PRAG1: variants seen among roughly 807,000 people sequenced by gnomAD.
PRAG1 encodes the protein inactive tyrosine-protein kinase PRAG1.
Under a neutral mutation model 95.6 loss-of-function variants are expected in PRAG1, and 110 were observed. The ratio of observed to expected loss-of-function variants is 1.15; its 90% confidence interval spans 0.99 to 1.35. PRAG1 has a LOEUF of 1.35. PRAG1 is among the 40% of genes most tolerant of loss of function. The pLI, the probability that PRAG1 is intolerant of heterozygous loss-of-function variation, is 0.00. For missense variants in PRAG1, 2,554 were observed against 1,864.7 expected (o/e 1.37, Z -6.81); for synonymous variants, 1,052 against 819.4 (o/e 1.28, Z -4.85).
chr8:8,366,035 T>C (rs1799992152), intron 3 of PRAG1, among the ~76,000 whole-genome samples: 1 of 152,014 alleles, frequency 6.6e-6, no homozygotes, highest in Admixed American at 6.6e-5. Context: ...CATTGCTTAA[T>C]AAGATTTAAG....
chr8:8,342,968 A>C (rs879870718), intron 3 of PRAG1, among the ~76,000 whole-genome samples: 42 of 152,188 alleles, frequency 2.8e-4, no homozygotes, highest in Non-Finnish European at 2.9e-5. Context: ...GTGAAAAAAA[A>C]CAAACCTTGG....
intron 5 of PRAG1, among the ~76,000 whole-genome samples, chr8:8,323,165 A>G (rs1241192529): frequency 6.6e-6 from 1 of 152,136 alleles, no homozygotes; most frequent in Non-Finnish European, 1.5e-5. Flanking sequence ...AAACATGCAC[A>G]TTGGGTGATA....
intron 2 of PRAG1, among the ~76,000 whole-genome samples, chr8:8,379,964 G>A (rs577693377): frequency 6.6e-6 from 1 of 152,324 alleles, no homozygotes; most frequent in South Asian, 2.1e-4. Context: ...TGTGGGGCCA[G>A]GCATGGTGGC....
In PRAG1 at chr8:8,377,969, G is replaced by A. The variant is rs756034615; in HGVS notation, c.440C>T (p.Thr147Ile). The change falls in exon 3 of 6, where the codon ACC (threonine) becomes ATC (isoleucine). Residue 147 changes from threonine to isoleucine, a missense_variant. Physicochemically the swap from Thr to Ile is moderately conservative, Grantham distance 89. Transcript: ENST00000615670. ...RGVQKPAGPSTSPDGNSRCPP... is the reference protein window; with the variant it reads ...RGVQKPAGPSISPDGNSRCPP... Reference sequence around the variant, plus strand: ...ACAGCGAGAATTGCCATCAGGGGAGGTAGAGGGACCAGCAGGCTTCTGTAC... The same window carrying A: ...ACAGCGAGAATTGCCATCAGGGGAGATAGAGGGACCAGCAGGCTTCTGTAC... 3 of 1,613,676 alleles carry A rather than the reference G, an allele frequency of 1.9e-6. No homozygotes were observed. The South Asian group carries it at 3.3e-5, about 18-fold the overall frequency.
rs761847235 is a variant in PRAG1 at position 8,376,459 on chromosome 8, C to G, written c.1950G>C (p.Leu650=). The change falls in exon 3 of 6, where the codon CTG becomes CTC. Residue 650 remains leucine, a synonymous_variant. Transcript: ENST00000615670. ...EEEEEVEQEL[L]SHSWGRETKN... ...TGGTCTCTCTTCCCCAGCTGTGACTCAGCAATTCCTGCTCCACCTCCTCTT... is the reference window on the plus strand; with the variant it reads ...TGGTCTCTCTTCCCCAGCTGTGACTGAGCAATTCCTGCTCCACCTCCTCTT... The G allele has an allele frequency of 1.1e-4, 173 of 1,613,982 alleles. No homozygotes were observed. Among genetic ancestry groups the G allele is most frequent in the Non-Finnish European group, 1.2e-4 (138 of 1,180,010 alleles).
rs1361759009 is a variant in PRAG1, at chr8:8,318,996, G to A, written c.3379C>T (p.Leu1127=). The A allele has an allele frequency of 1.2e-6, 2 of 1,613,476 alleles. No homozygotes were observed. The highest frequency in any genetic ancestry group is 1.3e-5 in the African/African-American group (1 of 75,040). The change falls in exon 6 of 6, where the codon CTG becomes TTG. Residue 1127 remains leucine, a synonymous_variant. Transcript: ENST00000615670. This position sits in a 1 kb window ranked among gnomAD's most constrained non-coding sequence, Gnocchi z 4.2. ...AYERRVCFLL[L]QLCNGLEHLK... ...TGCTCCAGCCCGTTGCAGAGTTGCA[G>A]AAGCAGGAAGCACACGCGCCGCTCG...
At chr8:8,319,397 C>A in intron 5 of PRAG1, 95 bp from the exon 6 acceptor site, 2 of 1,057,498 alleles carry the variant, frequency 1.9e-6, no homozygotes, top group African/African-American at 3.2e-5. Flanking sequence ...TGCAATAAGC[C>A]TATCCACATA....
At chr8:8,334,726 C>A (rs115841110) in intron 4 of PRAG1, among the ~76,000 whole-genome samples, 1,784 of 150,622 alleles carry the variant, frequency 0.012, 35 homozygotes, top group African/African-American at 0.041. Flanking sequence ...ATCTTTCAAT[C>A]TCCTGTTATA....
Position 8,377,770 on chromosome 8 carries a change from G to A in PRAG1, c.639C>T (p.Ala213=), listed in dbSNP as rs1297215394. 1 of 1,614,156 alleles carries A rather than the reference G, an allele frequency of 6.2e-7. No individual in the cohort carries two copies. The highest frequency in any genetic ancestry group is 1.1e-5 in the South Asian group (1 of 91,086). The part of the protein sequence containing the change: ...TQESFRQKLA[A]FAGTTSGCHQ... ...GACAGCCAGATGTGGTCCCAGCAAAGGCAGCCAGTTTCTGGCGGAAGCTCT... is the reference window on the plus strand; with the variant it reads ...GACAGCCAGATGTGGTCCCAGCAAAAGCAGCCAGTTTCTGGCGGAAGCTCT... The change falls in exon 3 of 6, where the codon GCC becomes GCT. Residue 213 remains alanine, a synonymous_variant. Transcript: ENST00000615670.
In PRAG1 at chr8:8,365,620, A is replaced by T. The variant is rs142758996; in HGVS notation, c.2162+10627T>A. Among the ~76,000 whole-genome samples, 3 of 151,518 alleles carry T rather than the reference A, an allele frequency of 2.0e-5. No individual in the cohort carries two copies. The East Asian group carries it at 5.9e-4, about 30-fold the overall frequency. On this transcript the variant is annotated intron_variant, in intron 3 of 5. Coordinates refer to ENST00000615670, the MANE Select transcript of PRAG1 (RefSeq NM_001080826.3). ...GCCTGGGCAACAACAGTGAAACTCC[A>T]ACTCAAAAATAAATAAATAAATAAA... is the stretch of plus-strand genomic sequence containing the variant.
intron 3 of PRAG1, among the ~76,000 whole-genome samples, chr8:8,349,162 A>G (rs985841113): frequency 1.3e-5 from 2 of 152,192 alleles, no homozygotes; most frequent in African/African-American, 4.8e-5. Context: ...AAATATTCTG[A>G]ATTTTCACAA....
In PRAG1 at chr8:8,326,150, ATATAAATAATAAATAAT is replaced by A. The variant is rs544759018; in HGVS notation, c.3072+1543_3072+1559del. 4.7e-3 allele frequency among the ~76,000 whole-genome samples: 690 copies of A among 147,596 alleles called. 1 individual carries two copies. The highest frequency in any genetic ancestry group is 0.014 in the South Asian group (65 of 4,778). ...TACTACTATTAATAATATTCAGTAT[ATATAAATAATAAATAAT>A]TATAAATAATATATATTGAATATTA... On this transcript the variant is annotated intron_variant, in intron 5 of 5. Transcript: ENST00000615670.
At chr8:8,362,446 C>A (rs1195003045) in intron 3 of PRAG1, among the ~76,000 whole-genome samples, 1 of 152,182 alleles carries the variant, frequency 6.6e-6, no homozygotes, top group Non-Finnish European at 1.5e-5. Flanking sequence ...GCAAGCCTGT[C>A]CATCCTTTCC....
chr8:8,337,219 T>A (rs1225393591), intron 4 of PRAG1, among the ~76,000 whole-genome samples: 1 of 152,228 alleles, frequency 6.6e-6, no homozygotes, highest in Non-Finnish European at 1.5e-5. Flanking sequence ...TAGTTCTTTT[T>A]CTATTTGGAT....
At chr8:8,359,573 G>C (rs945050316) in intron 3 of PRAG1, among the ~76,000 whole-genome samples, 1 of 152,146 alleles carries the variant, frequency 6.6e-6, no homozygotes. Context: ...TAAAATTGGA[G>C]TATTGGATGA....
In PRAG1 at chr8:8,359,629, T is replaced by G. The variant is rs545588159; in HGVS notation, c.2162+16618A>C. 2.6e-4 allele frequency among the ~76,000 whole-genome samples: 40 copies of G among 152,342 alleles called. No individual in the cohort carries two copies. The East Asian group carries it at 3.9e-3, about 15-fold the overall frequency. Reference sequence around the variant, plus strand: ...GCCCATCTTTAATAAGTCCTTCAATTACAGGCTTTAACCCTATTCTTCCTT... The same window carrying G: ...GCCCATCTTTAATAAGTCCTTCAATGACAGGCTTTAACCCTATTCTTCCTT... On this transcript the variant is annotated intron_variant, in intron 3 of 5. Coordinates refer to ENST00000615670, the MANE Select transcript of PRAG1 (RefSeq NM_001080826.3).
intron 5 of PRAG1, among the ~76,000 whole-genome samples, chr8:8,327,144 G>A (rs184636527): frequency 5.3e-4 from 81 of 152,234 alleles, no homozygotes; most frequent in African/African-American, 9.4e-4. Flanking sequence ...TAAACTCTCC[G>A]TTGCACTAAA....
intron 4 of PRAG1, among the ~76,000 whole-genome samples, chr8:8,338,487 C>A (rs1257138332): frequency 6.6e-6 from 1 of 152,094 alleles, no homozygotes; most frequent in Non-Finnish European, 1.5e-5. Context: ...ATACAATGGG[C>A]TGGGAAAAGG....
intron 3 of PRAG1, among the ~76,000 whole-genome samples, chr8:8,340,320 C>A (rs148755522): frequency 6.6e-6 from 1 of 152,300 alleles, no homozygotes; most frequent in East Asian, 1.9e-4. Flanking sequence ...ATACCAACTT[C>A]AAGAGAAAAA....
Sources: allele counts gnomAD v4.1 joint callset (sites outside exome capture counted in the v4.1 genomes callset), GRCh38; gene constraint gnomAD v4.1.1; non-coding constraint Gnocchi (gnomAD v3.1); transcripts MANE v1.5; gene names NCBI Gene and HGNC (gene_info 2026-07-23, HGNC 2026-07-21).